DSCAM: variants seen among roughly 807,000 people sequenced by gnomAD.
DSCAM encodes the protein DS cell adhesion molecule, also known as cell adhesion molecule DSCAM.
Under a neutral mutation model 217.7 loss-of-function variants are expected in DSCAM, and 47 were observed. The ratio of observed to expected loss-of-function variants is 0.22; its 90% CI spans 0.17 to 0.28. DSCAM has a LOEUF of 0.28. DSCAM is among the 10% of genes least tolerant of loss of function. The pLI, the probability that DSCAM is intolerant of heterozygous loss-of-function variation, is 1.00. For missense variants in DSCAM, 2,080 were observed against 2,618.3 expected, an observed-to-expected ratio of 0.79 and a Z score of 4.49; for synonymous variants, 1,056 against 1,015.3, an observed-to-expected ratio of 1.04 and a Z score of -0.76.
chr21:40,784,678 G>A (rs1373229884), intron 1 of DSCAM, among the ~76,000 whole-genome samples: 1 of 152,174 alleles, frequency 6.6e-6, no homozygotes, highest in Non-Finnish European at 1.5e-5. Context: ...GAAGCCCTCA[G>A]GAATGGGATT....
intron 3 of DSCAM, among the ~76,000 whole-genome samples, chr21:40,516,437 C>T (rs2076300286): frequency 6.6e-6 from 1 of 152,078 alleles, no homozygotes; most frequent in South Asian, 2.1e-4. Flanking sequence ...CCTGTTTCTT[C>T]CTCTTTAGCA....
At chr21:40,378,631 G>T (rs1399747523) in intron 3 of DSCAM, among the ~76,000 whole-genome samples, 2 of 120,056 alleles carry the variant, frequency 1.7e-5, no homozygotes, top group African/African-American at 3.2e-5. Context: ...TCGCTCTGTC[G>T]CCCAGGCTGG....
intron 31 of DSCAM, 27 bp from the exon 32 acceptor site, chr21:40,042,700 C>G (rs749024254): frequency 1.3e-6 from 2 of 1,566,780 alleles, no homozygotes; most frequent in East Asian, 2.2e-5. Flanking sequence ...AAAAACAAGA[C>G]GGACGACTCA....
intron 1 of DSCAM, among the ~76,000 whole-genome samples, chr21:40,764,505 G>C (rs1283071692): frequency 6.6e-6 from 1 of 152,118 alleles, no homozygotes; most frequent in Admixed American, 6.6e-5. Context: ...GTTGGTGGGA[G>C]TGTAAATTAG....
intron 3 of DSCAM, among the ~76,000 whole-genome samples, chr21:40,399,479 T>A (rs192276523): frequency 3.3e-5 from 5 of 152,346 alleles, no homozygotes; most frequent in African/African-American, 9.6e-5. Context: ...GATTGTCAAT[T>A]CCTGTGTGCA....
At chr21:40,547,427 CT>C (rs2076592408) in intron 3 of DSCAM, among the ~76,000 whole-genome samples, 1 of 152,206 alleles carries the variant, frequency 6.6e-6, no homozygotes, top group East Asian at 1.9e-4. Flanking sequence ...CAGTCGTCTC[CT>C]TTTCCAAGTC....
At chr21:40,689,454 G>A (rs1601851859) in intron 3 of DSCAM, among the ~76,000 whole-genome samples, 2 of 152,332 alleles carry the variant, frequency 1.3e-5, no homozygotes, top group South Asian at 4.1e-4. Context: ...CATGGCCTGT[G>A]AATCATGCTT....
At chr21:40,763,297 T>A (rs985243214) in intron 1 of DSCAM, among the ~76,000 whole-genome samples, 2 of 151,966 alleles carry the variant, frequency 1.3e-5, no homozygotes, top group African/African-American at 4.8e-5. Context: ...TATACACCAA[T>A]AATAGACAAG....
chr21:40,660,047 CTG>C (rs1474622334), intron 3 of DSCAM, among the ~76,000 whole-genome samples: 54 of 152,326 alleles, frequency 3.5e-4, no homozygotes, highest in Non-Finnish European at 2.9e-4. Flanking sequence ...ATGCTAAAGA[CTG>C]TGTTAAATGT....
chr21:40,333,917 T>C lies in DSCAM; in HGVS notation c.1783+4184A>G, dbSNP rs930570092. 4.7e-4 allele frequency among the ~76,000 whole-genome samples: 72 copies of C among 152,152 alleles called. 1 individual carries two copies. Among genetic ancestry groups the C allele is most frequent in the Admixed American group, 3.7e-3 (57 of 15,272 alleles). Reference sequence around the variant, plus strand: ...ACCTGGCTGCTTAAGCAAAGGTAATTTGGGTTCTCGCACCTTGCAACCAAT... The same window carrying C: ...ACCTGGCTGCTTAAGCAAAGGTAATCTGGGTTCTCGCACCTTGCAACCAAT... On this transcript the variant is annotated intron_variant, in intron 8 of 32. Transcript: ENST00000400454.
chr21:40,561,392 C>T (rs1279459950), intron 3 of DSCAM, among the ~76,000 whole-genome samples: 4 of 152,180 alleles, frequency 2.6e-5, no homozygotes, highest in Non-Finnish European at 2.9e-5. Flanking sequence ...GACTACACGT[C>T]GTTCCATTAT....
chr21:40,298,518 TAAGAAAATGA>T (rs993883952), intron 9 of DSCAM, among the ~76,000 whole-genome samples: 14 of 152,198 alleles, frequency 9.2e-5, no homozygotes, highest in Non-Finnish European at 2.1e-4. Context: ...AAAATGTATT[TAAGAAAATGA>T]AAATATATTT....
At chr21:40,648,676 C>T (rs1464868775) in intron 3 of DSCAM, among the ~76,000 whole-genome samples, 3 of 151,034 alleles carry the variant, frequency 2.0e-5, no homozygotes, top group Non-Finnish European at 4.4e-5. Flanking sequence ...TCATTTTAAC[C>T]TTTTTTGCAC....
intron 32 of DSCAM, among the ~76,000 whole-genome samples, chr21:40,039,026 G>C (rs574279035): frequency 8.3e-6 from 1 of 120,726 alleles, no homozygotes; most frequent in Non-Finnish European, 1.7e-5. Context: ...GTGGGGTGGG[G>C]GGAGGGGGGA....
At chr21:40,213,985 A>C (rs2091213567) in intron 11 of DSCAM, among the ~76,000 whole-genome samples, 1 of 152,240 alleles carries the variant, frequency 6.6e-6, no homozygotes, top group Admixed American at 6.5e-5. Flanking sequence ...CATGGTGAGG[A>C]ATAAAGGGAG....
chr21:40,020,910 A>G (rs2088254438), intron 32 of DSCAM, among the ~76,000 whole-genome samples: 1 of 152,194 alleles, frequency 6.6e-6, no homozygotes, highest in South Asian at 2.1e-4. Context: ...CCTGAGGCCA[A>G]TGCCCTTCCT....
intron 1 of DSCAM, among the ~76,000 whole-genome samples, chr21:40,733,707 C>T (rs913761139): frequency 4.6e-5 from 7 of 152,160 alleles, no homozygotes; most frequent in African/African-American, 9.7e-5. Flanking sequence ...TTCTTCTCCC[C>T]TCTAGCCTCC....
At chr21:40,676,886 C>G (rs1051252055) in intron 3 of DSCAM, among the ~76,000 whole-genome samples, 1 of 152,130 alleles carries the variant, frequency 6.6e-6, no homozygotes, top group Admixed American at 6.5e-5. Context: ...AAACGAGTCA[C>G]GTGCATCCGG....
At chr21:40,809,115 G>C (rs1014123380) in intron 1 of DSCAM, among the ~76,000 whole-genome samples, 3 of 152,120 alleles carry the variant, frequency 2.0e-5, no homozygotes, top group Non-Finnish European at 4.4e-5. Context: ...GATGAGACCA[G>C]AGCATCCACC....
Sources: gnomAD v4.1 joint callset for allele counts (sites outside exome capture counted in the v4.1 genomes callset) on GRCh38, gnomAD v4.1.1 for gene constraint, MANE v1.5 for transcripts, NCBI Gene and HGNC (gene_info 2026-07-23, HGNC 2026-07-21) for gene names.